Variants in COL6A3 observed in about 807,000 individuals in gnomAD.
The protein encoded by COL6A3 is collagen type VI alpha 3 chain.
Under a neutral mutation model 274.1 loss-of-function variants are expected in COL6A3, and 137 were observed. That is an observed-to-expected ratio of 0.50 (90% confidence interval 0.44 to 0.58). The LOEUF (loss-of-function observed/expected upper bound fraction) is 0.58. Ranked by LOEUF, COL6A3 falls within the 20% of genes least tolerant of loss-of-function variation. The probability of loss-of-function intolerance (pLI) is 0.00; values close to 1 mark genes in which losing one functional copy is unlikely to be tolerated. For missense variants in COL6A3, 3,950 were observed against 4,124.9 expected, an observed-to-expected ratio of 0.96 and a Z score of 1.16; for synonymous variants, 1,650 against 1,650.6, an observed-to-expected ratio of 1.00 and a Z score of 0.01.
chr2:237,333,082 G>A (rs1035204888), intron 42 of COL6A3: 1 of 326,590 alleles, frequency 3.1e-6, no homozygotes, highest in African/African-American at 2.1e-5. Flanking sequence ...CTTCTAAGCA[G>A]TTTTTTTATT....
intron 43 of COL6A3, 66 bp downstream of exon 43, chr2:237,325,494 C>G (rs765584109): frequency 1.3e-6 from 2 of 1,541,886 alleles, no homozygotes; most frequent in Middle Eastern, 1.7e-4. Context: ...TAATATTTTT[C>G]AAGGTGACTT....
At chr2:237,348,740 C>A in intron 28 of COL6A3, 77 bp from the exon 29 acceptor site, 1 of 1,336,472 alleles carries the variant, frequency 7.5e-7, no homozygotes, top group East Asian at 2.3e-5. Flanking sequence ...CCTGCCGCTG[C>A]CCCTGAGAAG....
At position 237,366,565 on chromosome 2, in the gene COL6A3, A is replaced by G. The variant is rs2077557454; in HGVS notation, c.5500+122T>C. The G allele has an allele frequency of 4.8e-6, 7 of 1,469,830 alleles. No individual in the cohort carries two copies. The South Asian group carries it at 8.0e-5, about 17-fold the overall frequency. The allele number at this position is 1,469,830 out of a possible 1,614,324, so 91.0% of individuals were successfully genotyped here. On this transcript the variant is annotated intron_variant, in intron 11 of 43. Transcript: ENST00000295550. The stretch of plus-strand genomic sequence containing the variant: ...GTCAGGACCAGTCCCAGTGGGTATA[A>G]GTAAATGTATGAAGCAACCAAATGC...
At chr2:237,384,885 G>A (rs757959130) in intron 4 of COL6A3, among the ~76,000 whole-genome samples, 3 of 152,044 alleles carry the variant, frequency 2.0e-5, no homozygotes, top group Non-Finnish European at 4.4e-5. Flanking sequence ...ATGCATCCAG[G>A]GAGTCTGAAC....
intron 11 of COL6A3, 110 bp from the exon 12 acceptor site, chr2:237,366,145 A>C: frequency 1.1e-6 from 1 of 916,442 alleles, no homozygotes; most frequent in Admixed American, 1.9e-5. Context: ...CATCGCACTC[A>C]AGTGCAAAAT....
chr2:237,359,035 C>G lies in COL6A3; in HGVS notation c.6408G>C (p.Arg2136Ser), dbSNP rs781675126. 43 of 1,613,728 alleles carry G rather than the reference C, an allele frequency of 2.7e-5. No individual in the cohort carries two copies. The highest frequency in any genetic ancestry group is 3.5e-5 in the Non-Finnish European group (41 of 1,179,648). Reference sequence around the variant, plus strand: ...AGCACCACCGTGGAAATACACCTACCCTTCTTCCAGGATTCCCTTTCTCTC... The same window carrying G: ...AGCACCACCGTGGAAATACACCTACGCTTCTTCCAGGATTCCCTTTCTCTC... ...SSGEKGNPGRRGDKGPRGEKG... is the reference protein window; with the variant it reads ...SSGEKGNPGRSGDKGPRGEKG... The change falls in exon 20 of 44, where the codon AGG (arginine) becomes AGC (serine). Residue 2136 changes from arginine (R) to serine (S), a missense_variant and splice_region_variant. Around this residue, in one of 5 missense-constraint regions of COL6A3, gnomAD observed 1,284 missense variants for 1,349.7 expected, o/e 0.95. Coordinates refer to ENST00000295550, the MANE Select transcript of COL6A3 (RefSeq NM_004369.4).
intron 40 of COL6A3, among the ~76,000 whole-genome samples, chr2:237,335,683 C>G (rs535026306): frequency 6.6e-6 from 1 of 152,304 alleles, no homozygotes; most frequent in South Asian, 2.1e-4. Context: ...AGGGCTCCCC[C>G]AGACCTTTTC....
In COL6A3 at chr2:237,368,691, C is replaced by T. The variant is rs770825071; in HGVS notation, c.4772G>A (p.Arg1591Lys). ...TELQTITNDP[R>K]LVFTVREFRE... is the part of the protein sequence containing the mutation. ...GAACTCTCGCACTGTGAAGACCAGT[C>T]TGGGGTCATTGGTGATGGTCTGCAG... is the stretch of plus-strand genomic sequence containing the variant. Residue 1591 changes from arginine (R) to lysine (K), a missense_variant, in exon 10 of 44, where the codon AGA becomes AAA. Arg to Lys is a conservative substitution (Grantham distance 26). Transcript: ENST00000295550. The surrounding 1 kb of genome is among the most constrained non-coding windows in gnomAD (Gnocchi z 4.4). 3 of 1,614,030 alleles carry T rather than the reference C, an allele frequency of 1.9e-6. No homozygotes were observed. Among genetic ancestry groups the T allele is most frequent in the Non-Finnish European group, 2.5e-6 (3 of 1,180,034 alleles).
rs774872934 is a variant in COL6A3, at chr2:237,377,033, C to T, written c.2809G>A (p.Glu937Lys). 6.8e-6 allele frequency: 11 copies of T among 1,614,208 alleles called. No individual in the cohort carries two copies. The highest frequency in any genetic ancestry group is 3.3e-5 in the South Asian group (3 of 91,074). The stretch of plus-strand genomic sequence containing the variant: ...ACCAGGAACTGAAGCACTCCATCCT[C>T]GATCCGGCTGCCAGCAGACTTCACA... ...IFVKSAGSRI[E>K]DGVLQFLVLL... The change falls in exon 7 of 44, where the codon GAG (glutamate) becomes AAG (lysine). Residue 937 changes from glutamate (E) to lysine (K), a missense_variant. Glu to Lys is a moderately conservative substitution (Grantham distance 56). Coordinates refer to ENST00000295550, the MANE Select transcript of COL6A3 (RefSeq NM_004369.4).
At chr2:237,400,392 G>A (rs974639872) in intron 1 of COL6A3, among the ~76,000 whole-genome samples, 1 of 152,080 alleles carries the variant, frequency 6.6e-6, no homozygotes, top group African/African-American at 2.4e-5. Context: ...GGAAATGAGA[G>A]CAAATCAGGC....
rs372868044 is a variant in COL6A3, at chr2:237,346,487, C to G, written c.7092+16G>C. 46 of 1,613,560 alleles carry G rather than the reference C, an allele frequency of 2.9e-5. No individual in the cohort carries two copies. The African/African-American group carries it at 4.8e-4, about 17-fold the overall frequency. On this transcript the variant is annotated intron_variant, in intron 32 of 43. Coordinates refer to ENST00000295550, the MANE Select transcript of COL6A3 (RefSeq NM_004369.4). ...CCAGCCCCAGGTGGCCGGGTCAGAA[C>G]TGGATAAATACTTACAGCTGGTCCT...
In COL6A3 at chr2:237,347,800, A is replaced by T. The variant is rs773502269; in HGVS notation, c.7029+7T>A. On this transcript the variant is annotated splice_region_variant and intron_variant, in intron 31 of 43. Coordinates refer to ENST00000295550, the MANE Select transcript of COL6A3 (RefSeq NM_004369.4). ...CTCACCTGCAGCCAAGGCCCACGCAAACTTACCCTTCGGCCTCTGATGCCT... is the reference window on the plus strand; with the variant it reads ...CTCACCTGCAGCCAAGGCCCACGCATACTTACCCTTCGGCCTCTGATGCCT... The T allele has an allele frequency of 1.2e-6, 2 of 1,608,888 alleles. No homozygotes were observed. Among genetic ancestry groups the T allele is most frequent in the South Asian group, 2.2e-5 (2 of 89,624 alleles).
Position 237,374,874 on chromosome 2 carries a change from T to C in COL6A3, c.3217A>G (p.Ser1073Gly), listed in dbSNP as rs1305113415. ...TAGAACTCGGGCCTGGTCCGGTCGC[T>C]GTACTGCACCACGGCCACGCGGACC... ...DRVRVAVVQY[S>G]DRTRPEFYLN... The change falls in exon 8 of 44, where the codon AGC becomes GGC. Residue 1073 changes from serine to glycine, a missense_variant. Around this residue, in one of 5 missense-constraint regions of COL6A3, gnomAD observed 1,934 missense variants for 1,984.3 expected, o/e 0.97. Transcript: ENST00000295550. This position sits in a 1 kb window ranked among gnomAD's most constrained non-coding sequence, Gnocchi z 4.8. 4 of 1,613,844 alleles carry C rather than the reference T, an allele frequency of 2.5e-6. No individual in the cohort carries two copies. Among genetic ancestry groups the C allele is most frequent in the Non-Finnish European group, 3.4e-6 (4 of 1,180,016 alleles).
intron 38 of COL6A3, 89 bp downstream of exon 38, chr2:237,340,363 C>G: frequency 8.2e-7 from 1 of 1,219,498 alleles, no homozygotes; most frequent in Non-Finnish European, 1.2e-6. Flanking sequence ...GTCAACACAT[C>G]GGTTGTCTTT....
intron 4 of COL6A3, among the ~76,000 whole-genome samples, chr2:237,386,847 T>C (rs952824684): frequency 1.4e-4 from 21 of 152,224 alleles, no homozygotes; most frequent in African/African-American, 4.1e-4. Context: ...CTATGCATCC[T>C]GATGCCCCCA....
At chr2:237,328,191 G>T (rs1422737440) in intron 42 of COL6A3, 1 of 152,314 alleles carries the variant, frequency 6.6e-6, no homozygotes, top group Non-Finnish European at 1.5e-5. Context: ...GAGGGGAAAG[G>T]CTGCCTGACT....
chr2:237,382,006 C>T (rs535286381), intron 4 of COL6A3, among the ~76,000 whole-genome samples: 135 of 152,278 alleles, frequency 8.9e-4, no homozygotes, highest in African/African-American at 2.8e-3. Context: ...ATTTGACAGA[C>T]GAAAGAATTA....
At chr2:237,325,480 C>G in intron 43 of COL6A3, 80 bp downstream of exon 43, 1 of 1,449,586 alleles carries the variant, frequency 6.9e-7, no homozygotes, top group Non-Finnish European at 9.7e-7. Flanking sequence ...AATCATTGCA[C>G]TTCTAATATT....
chr2:237,390,000 T>C (rs962685796), intron 3 of COL6A3, among the ~76,000 whole-genome samples: 2 of 152,100 alleles, frequency 1.3e-5, no homozygotes, highest in African/African-American at 4.8e-5. Context: ...GCCATAGAAA[T>C]GGCCTACATC....
Sources: allele counts gnomAD v4.1 joint callset (sites outside exome capture counted in the v4.1 genomes callset), GRCh38; gene constraint gnomAD v4.1.1; regional missense constraint gnomAD v4.1.1; non-coding constraint Gnocchi (gnomAD v3.1); transcripts MANE v1.5; gene names NCBI Gene and HGNC (gene_info 2026-07-23, HGNC 2026-07-21).